PNKD: variants seen among roughly 807,000 people sequenced by gnomAD.
The protein encoded by PNKD is PNKD metallo-beta-lactamase domain containing.
A neutral mutation model predicts 45.3 loss-of-function variants in PNKD; 36 were observed. The observed-to-expected ratio is 0.80, with a 90% CI of 0.61 to 1.05. The LOEUF (loss-of-function observed/expected upper bound fraction) is 1.05. Among genes scored for constraint, PNKD ranks in the 50% least tolerant of loss-of-function variants. PNKD has a pLI of 0.00. For missense variants in PNKD, 511 were observed against 506.6 expected, an observed-to-expected ratio of 1.01 and a Z score of -0.08; for synonymous variants, 197 against 210.1, an observed-to-expected ratio of 0.94 and a Z score of 0.54.
At chr2:218,331,816 A>G (rs913974626) in intron 2 of PNKD, among the ~76,000 whole-genome samples, 1 of 152,326 alleles carries the variant, frequency 6.6e-6, no homozygotes, top group South Asian at 2.1e-4. Context: ...TCTCTGTGGT[A>G]TGTCTCAGCA....
At chr2:218,337,694 G>C (rs1208110147) in intron 2 of PNKD, among the ~76,000 whole-genome samples, 3 of 152,154 alleles carry the variant, frequency 2.0e-5, no homozygotes, top group African/African-American at 7.2e-5. Flanking sequence ...CCCATGCGTT[G>C]TGTGTCCCCC....
chr2:218,272,926 TTGAG>T (rs1408550503), intron 2 of PNKD: 132 of 1,504,222 alleles, frequency 8.8e-5, no homozygotes, highest in Admixed American at 1.7e-4. Context: ...AATAAAGTTA[TTGAG>T]TGTTTAGTAG....
chr2:218,312,780 C>T (rs1467726984), intron 2 of PNKD, among the ~76,000 whole-genome samples: 1 of 151,624 alleles, frequency 6.6e-6, no homozygotes, highest in Non-Finnish European at 1.5e-5. Flanking sequence ...GGCTGAGGCA[C>T]AAGAATCTCT....
intron 2 of PNKD, among the ~76,000 whole-genome samples, chr2:218,302,115 C>T (rs1162060374): frequency 2.6e-5 from 4 of 152,028 alleles, no homozygotes; most frequent in Admixed American, 6.6e-5. Flanking sequence ...TTTGGGAGGC[C>T]GAGGCAGGCA....
At chr2:218,322,652 G>A (rs1348740431) in intron 2 of PNKD, among the ~76,000 whole-genome samples, 1 of 152,022 alleles carries the variant, frequency 6.6e-6, no homozygotes, top group East Asian at 1.9e-4. Flanking sequence ...ACTTCCTTTC[G>A]CAATTTATCA....
intron 2 of PNKD, chr2:218,277,696 G>A: frequency 6.2e-7 from 1 of 1,614,098 alleles, no homozygotes; most frequent in Non-Finnish European, 8.5e-7. Flanking sequence ...AGACAAGAAT[G>A]AAACACTTAA....
At chr2:218,277,815 G>A (rs1179689474) in intron 2 of PNKD, 14 of 1,540,746 alleles carry the variant, frequency 9.1e-6, no homozygotes, top group East Asian at 9.1e-5. Context: ...CAGAACAGGC[G>A]GCCCAGATAA....
chr2:218,288,244 T>TGC (rs1692677230), intron 2 of PNKD, among the ~76,000 whole-genome samples: 2 of 152,042 alleles, frequency 1.3e-5, no homozygotes, highest in Admixed American at 6.5e-5. Flanking sequence ...CTGGCTAACA[T>TGC]GGTGAAACCC....
At chr2:218,316,566 C>T (rs1168857733) in intron 2 of PNKD, among the ~76,000 whole-genome samples, 2 of 152,136 alleles carry the variant, frequency 1.3e-5, no homozygotes, top group East Asian at 1.9e-4. Context: ...CCACTGTGCC[C>T]GGCCAGGAAG....
At chr2:218,288,351 C>T (rs1692690098) in intron 2 of PNKD, among the ~76,000 whole-genome samples, 1 of 152,192 alleles carries the variant, frequency 6.6e-6, no homozygotes, top group East Asian at 1.9e-4. Flanking sequence ...ATGGCATGAA[C>T]CCGGGAGGCG....
At chr2:218,275,553 G>GA in intron 2 of PNKD, 2 of 1,614,028 alleles carry the variant, frequency 1.2e-6, no homozygotes, top group Non-Finnish European at 1.7e-6. Flanking sequence ...GGGCGCCAGT[G>GA]ATGTAGTCCT....
At chr2:218,336,392 A>G (rs1224516988) in intron 2 of PNKD, among the ~76,000 whole-genome samples, 1 of 152,164 alleles carries the variant, frequency 6.6e-6, no homozygotes, top group African/African-American at 2.4e-5. Flanking sequence ...ATATTGTGCA[A>G]TGCCTGTTTT....
intron 2 of PNKD, among the ~76,000 whole-genome samples, chr2:218,282,417 C>T (rs1366519327): frequency 6.6e-6 from 1 of 152,224 alleles, no homozygotes; most frequent in Non-Finnish European, 1.5e-5. Flanking sequence ...GTGCAGCTCC[C>T]CAGCCATAGG....
intron 2 of PNKD, among the ~76,000 whole-genome samples, chr2:218,288,448 T>C (rs1692702225): frequency 6.6e-6 from 1 of 151,788 alleles, no homozygotes; most frequent in Non-Finnish European, 1.5e-5. Context: ...ATAAATAAAA[T>C]AACTAGGGAA....
intron 2 of PNKD, chr2:218,280,411 T>TG: frequency 2.7e-6 from 1 of 371,006 alleles, no homozygotes; most frequent in Non-Finnish European, 5.1e-6. Context: ...CACGATGTAG[T>TG]GGGGAAGCCA....
At chr2:218,334,261 C>T (rs1269406620) in intron 2 of PNKD, among the ~76,000 whole-genome samples, 1 of 152,070 alleles carries the variant, frequency 6.6e-6, no homozygotes, top group Non-Finnish European at 1.5e-5. Context: ...AAATTAACAT[C>T]AATACTATCC....
At chr2:218,272,838 G>T (rs544351102) in intron 2 of PNKD, 1 of 1,610,746 alleles carries the variant, frequency 6.2e-7, no homozygotes, top group African/African-American at 1.3e-5. Context: ...GTGCCTCTGA[G>T]GTCCACCAGA....
intron 2 of PNKD, among the ~76,000 whole-genome samples, chr2:218,297,792 G>A (rs1373569643): frequency 3.3e-5 from 5 of 151,390 alleles, no homozygotes; most frequent in African/African-American, 9.7e-5. Context: ...AAGGTCAGGA[G>A]ATCGAGACCA....
In PNKD at chr2:218,319,644, G is replaced by A. The variant is rs1289820137; in HGVS notation, c.237-20139G>A. The stretch of plus-strand genomic sequence containing the variant: ...CCACCTCAGCCTCCCAAAGTACTGG[G>A]ATTACAGGCGTGAGCCATCGCGCTC... On this transcript the variant is annotated intron_variant, in intron 2 of 9. Coordinates refer to ENST00000273077, the MANE Select transcript of PNKD (RefSeq NM_015488.5). 2.0e-5 allele frequency among the ~76,000 whole-genome samples: 3 copies of A among 152,168 alleles called. No individual in the cohort carries two copies. In the East Asian group the frequency reaches 5.8e-4, roughly 29 times the overall value.
Sources: gnomAD v4.1 joint callset for allele counts (sites outside exome capture counted in the v4.1 genomes callset) on GRCh38, gnomAD v4.1.1 for gene constraint, MANE v1.5 for transcripts, NCBI Gene and HGNC (gene_info 2026-07-23, HGNC 2026-07-21) for gene names.